Variants in PTH2R observed in about 807,000 individuals in gnomAD.
The protein encoded by PTH2R is parathyroid hormone 2 receptor, also known as PTH2 receptor.
PTH2R carries 59 observed loss-of-function variants against 60.3 expected under a neutral mutation model. The observed-to-expected ratio is 0.98, with a 90% confidence interval of 0.79 to 1.22. The LOEUF is 1.22. PTH2R is among the 50% of genes most tolerant of loss of function. PTH2R has a pLI of 0.00. For missense variants in PTH2R, 749 were observed against 682.6 expected (o/e 1.10, Z -1.08); for synonymous variants, 256 against 243.8 (o/e 1.05, Z -0.47).
chr2:208,439,930 CA>C (rs1702149270), intron 4 of PTH2R, among the ~76,000 whole-genome samples: 1 of 152,010 alleles, frequency 6.6e-6, no homozygotes, highest in African/African-American at 2.4e-5. Flanking sequence ...GTTCATTGAA[CA>C]AATAATTATA....
At chr2:208,486,978 G>A (rs925445977) in intron 10 of PTH2R, among the ~76,000 whole-genome samples, 2 of 152,194 alleles carry the variant, frequency 1.3e-5, no homozygotes, top group African/African-American at 2.4e-5. Context: ...AGTGGGTGGA[G>A]CAGATGGTTC....
intron 1 of PTH2R, among the ~76,000 whole-genome samples, chr2:208,417,861 A>G (rs1304775306): frequency 6.6e-6 from 1 of 152,196 alleles, no homozygotes; most frequent in Admixed American, 6.5e-5. Flanking sequence ...ATATCACAGA[A>G]GTAGATCAGT....
In PTH2R at chr2:208,377,020, G is replaced by C. The variant is rs992315806; in HGVS notation, c.-259+16783G>C. 1.6e-4 allele frequency among the ~76,000 whole-genome samples: 25 copies of C among 151,972 alleles called. 1 individual carries two copies. Among genetic ancestry groups the C allele is most frequent in the African/African-American group, 6.1e-4 (25 of 41,240 alleles). ...TTTTCCTAGGCAGAGGACCCTGCGGGCTTCCACAGTATTTGTGTCCCTGGG... is the reference window on the plus strand; with the variant it reads ...TTTTCCTAGGCAGAGGACCCTGCGGCCTTCCACAGTATTTGTGTCCCTGGG... On this transcript the variant is annotated intron_variant, in intron 1 of 12. Transcript: ENST00000617735.
At chr2:208,481,650 C>T (rs768453260) in intron 10 of PTH2R, among the ~76,000 whole-genome samples, 2 of 152,130 alleles carry the variant, frequency 1.3e-5, no homozygotes, top group Non-Finnish European at 2.9e-5. Context: ...ACCCCAAAAG[C>T]TACCCCTTGT....
At chr2:208,400,276 G>T (rs35344600) in intron 1 of PTH2R, among the ~76,000 whole-genome samples, 5,037 of 152,202 alleles carry the variant, frequency 0.033, 83 homozygotes, top group Middle Eastern at 0.058. Flanking sequence ...AAATGTAAGT[G>T]GTAGAATTGA....
At chr2:208,386,555 T>C (rs998191031) in intron 1 of PTH2R, among the ~76,000 whole-genome samples, 1 of 152,180 alleles carries the variant, frequency 6.6e-6, no homozygotes, top group Non-Finnish European at 1.5e-5. Context: ...CTAATATGCA[T>C]AATAGTCAGG....
At chr2:208,428,141 G>T in intron 1 of PTH2R, 60 bp from the exon 2 acceptor site, 2 of 1,264,536 alleles carry the variant, frequency 1.6e-6, no homozygotes, top group Non-Finnish European at 1.1e-6. Context: ...AATAATGAAA[G>T]CTTGTATCCT....
chr2:208,455,720 C>A (rs1396668240), intron 8 of PTH2R, among the ~76,000 whole-genome samples: 2 of 152,100 alleles, frequency 1.3e-5, no homozygotes, highest in Non-Finnish European at 2.9e-5. Flanking sequence ...TGACAACACT[C>A]TGGGGAGAGA....
intron 1 of PTH2R, among the ~76,000 whole-genome samples, chr2:208,375,294 C>G (rs1217064539): frequency 1.3e-5 from 2 of 151,900 alleles, no homozygotes; most frequent in African/African-American, 4.8e-5. Context: ...GAAAGTTTAG[C>G]TTGAACACTT....
chr2:208,452,654 A>G (rs777166558), intron 8 of PTH2R, among the ~76,000 whole-genome samples: 15 of 152,198 alleles, frequency 9.9e-5, no homozygotes, highest in Non-Finnish European at 1.8e-4. Context: ...GCAAATTTGC[A>G]TTTTGTGAAG....
chr2:208,391,314 A>C (rs1262638152), intron 1 of PTH2R, among the ~76,000 whole-genome samples: 1 of 152,174 alleles, frequency 6.6e-6, no homozygotes, highest in African/African-American at 2.4e-5. Flanking sequence ...TTGAAGGTGT[A>C]TTTTTTATTT....
chr2:208,417,289 A>G (rs1304791048), intron 1 of PTH2R, among the ~76,000 whole-genome samples: 1 of 152,124 alleles, frequency 6.6e-6, no homozygotes, highest in Non-Finnish European at 1.5e-5. Context: ...TTTTTGCTAT[A>G]ATCCTGGAAG....
chr2:208,449,147 G>T (rs1445080383), intron 7 of PTH2R, among the ~76,000 whole-genome samples: 1 of 152,172 alleles, frequency 6.6e-6, no homozygotes, highest in East Asian at 1.9e-4. Flanking sequence ...ACAGCTGAGG[G>T]ATCTATGTCA....
chr2:208,423,241 C>T (rs560070216), intron 1 of PTH2R, among the ~76,000 whole-genome samples: 1 of 152,198 alleles, frequency 6.6e-6, no homozygotes, highest in African/African-American at 2.4e-5. Context: ...ATGCATTTCT[C>T]TTAGCACTGC....
chr2:208,397,068 A>T (rs971644464), intron 1 of PTH2R, among the ~76,000 whole-genome samples: 1 of 152,094 alleles, frequency 6.6e-6, no homozygotes, highest in Non-Finnish European at 1.5e-5. Flanking sequence ...AGAAAACCAA[A>T]CCTGCATGTT....
chr2:208,448,716 A>ATAT (rs1702340609), intron 7 of PTH2R, among the ~76,000 whole-genome samples: 1 of 150,830 alleles, frequency 6.6e-6, no homozygotes, highest in East Asian at 1.9e-4. Context: ...TACTTAATTT[A>ATAT]ACATTTAAAT....
At chr2:208,442,809 A>G (rs540514511) in intron 5 of PTH2R, among the ~76,000 whole-genome samples, 14 of 152,204 alleles carry the variant, frequency 9.2e-5, no homozygotes, top group African/African-American at 3.4e-4. Context: ...ATTGGATACC[A>G]GCACATAAAG....
chr2:208,393,785 G>T (rs1463949519), intron 1 of PTH2R, among the ~76,000 whole-genome samples: 1 of 152,132 alleles, frequency 6.6e-6, no homozygotes, highest in Non-Finnish European at 1.5e-5. Context: ...CCCTTTATTT[G>T]CTTAAGATCC....
At chr2:208,418,913 A>G (rs945399937) in intron 1 of PTH2R, among the ~76,000 whole-genome samples, 3 of 152,106 alleles carry the variant, frequency 2.0e-5, no homozygotes, top group Non-Finnish European at 4.4e-5. Context: ...AGTTTTTTCT[A>G]TCTAATATTT....
Sources: allele counts gnomAD v4.1 joint callset (sites outside exome capture counted in the v4.1 genomes callset), GRCh38; gene constraint gnomAD v4.1.1; transcripts MANE v1.5; gene names NCBI Gene and HGNC (gene_info 2026-07-23, HGNC 2026-07-21).